DCBLD2: variants seen among roughly 807,000 people sequenced by gnomAD.
The protein encoded by DCBLD2 is discoidin, CUB and LCCL domain-containing protein 2.
DCBLD2 carries 54 observed loss-of-function variants against 86.8 expected under a neutral mutation model. That is an observed-to-expected ratio of 0.62 (90% confidence interval 0.50 to 0.78). DCBLD2 has a LOEUF of 0.78. Among genes scored for constraint, DCBLD2 ranks in the 30% least tolerant of loss-of-function variants. The probability of loss-of-function intolerance (pLI) is 0.00; values close to 1 mark genes in which losing one functional copy is unlikely to be tolerated. For synonymous variants in DCBLD2, 354 were observed against 341.3 expected (o/e 1.04, Z -0.41); for missense variants, 908 against 954.2 (o/e 0.95, Z 0.64).
rs753570228 is a variant in DCBLD2, at chr3:98,799,723, C to A, written c.1977G>T (p.Gly659=). The change falls in exon 16 of 16, where the codon GGG becomes GGT. Residue 659 remains glycine, a synonymous_variant. Coordinates refer to ENST00000326840, the MANE Select transcript of DCBLD2 (RefSeq NM_080927.4). ...CAGCATAGGCATGATAAACTTCCTG[C>A]CCTGGTGAGTTGTAAGGATCTAGGT... The part of the protein sequence containing the change: ...YADLDPYNSP[G]QEVYHAYAEP... 6.2e-7 allele frequency: 1 copy of A among 1,613,964 alleles called. No individual in the cohort carries two copies. Among genetic ancestry groups the A allele is most frequent in the Non-Finnish European group, 8.5e-7 (1 of 1,179,868 alleles).
intron 1 of DCBLD2, among the ~76,000 whole-genome samples, chr3:98,882,736 G>C (rs1350845333): frequency 6.6e-6 from 1 of 152,128 alleles, no homozygotes; most frequent in Non-Finnish European, 1.5e-5. Context: ...CCATGTCCCT[G>C]CAAAGGACAT....
intron 7 of DCBLD2, 75 bp from the exon 8 acceptor site, chr3:98,819,492 T>C: frequency 1.4e-6 from 2 of 1,467,196 alleles, no homozygotes; most frequent in South Asian, 2.4e-5. Flanking sequence ...CACTGAAAAC[T>C]TTCTATTCCA....
chr3:98,825,770 T>C (rs1175053145), intron 3 of DCBLD2, among the ~76,000 whole-genome samples: 1 of 150,920 alleles, frequency 6.6e-6, no homozygotes, highest in African/African-American at 2.4e-5. Flanking sequence ...TTCTTGGTTA[T>C]TATATAACTA....
chr3:98,805,253 T>A (rs531799326), intron 13 of DCBLD2, among the ~76,000 whole-genome samples: 1 of 152,122 alleles, frequency 6.6e-6, no homozygotes, highest in Non-Finnish European at 1.5e-5. Flanking sequence ...GTGGAAAAGA[T>A]AATGAGTGTT....
intron 14 of DCBLD2, 138 bp from the exon 15 acceptor site, chr3:98,800,854 T>TG: frequency 5.0e-6 from 1 of 198,484 alleles, no homozygotes; most frequent in Non-Finnish European, 6.7e-6. Context: ...ATAATCCAAC[T>TG]TTTTTTTTTT....
chr3:98,838,241 C>A (rs1164234895), intron 3 of DCBLD2, among the ~76,000 whole-genome samples: 3 of 111,952 alleles, frequency 2.7e-5, no homozygotes, highest in Non-Finnish European at 5.9e-5. Context: ...AGGCTCCTCA[C>A]TTCTCAGACG....
chr3:98,871,370 G>C (rs1029410537), intron 2 of DCBLD2, among the ~76,000 whole-genome samples: 2 of 152,058 alleles, frequency 1.3e-5, no homozygotes, highest in East Asian at 3.9e-4. Context: ...CCAGTTCTTA[G>C]GAAGAATGCT....
chr3:98,828,743 C>T (rs1942269309), intron 3 of DCBLD2, among the ~76,000 whole-genome samples: 1 of 152,158 alleles, frequency 6.6e-6, no homozygotes, highest in Admixed American at 6.5e-5. Context: ...TCCCCACCAA[C>T]ATTTGTACAC....
chr3:98,833,004 T>C (rs1409290274), intron 3 of DCBLD2, among the ~76,000 whole-genome samples: 3 of 152,260 alleles, frequency 2.0e-5, no homozygotes, highest in Non-Finnish European at 4.4e-5. Flanking sequence ...TTTTCATAGA[T>C]GATATCCTGA....
chr3:98,802,730 G>A (rs1291427822), intron 13 of DCBLD2, among the ~76,000 whole-genome samples: 1 of 152,138 alleles, frequency 6.6e-6, no homozygotes, highest in Admixed American at 6.5e-5. Context: ...TTTGTATAAG[G>A]TGTAAGGAAG....
At chr3:98,889,986 C>A (rs1289572649) in intron 1 of DCBLD2, among the ~76,000 whole-genome samples, 1 of 151,966 alleles carries the variant, frequency 6.6e-6, no homozygotes, top group East Asian at 1.9e-4. Flanking sequence ...ACCTTTTTCT[C>A]ACTTTTTCCT....
chr3:98,835,697 G>A (rs1317155801), intron 3 of DCBLD2, among the ~76,000 whole-genome samples: 5 of 147,592 alleles, frequency 3.4e-5, no homozygotes, highest in African/African-American at 9.9e-5. Flanking sequence ...CTACAGGCAC[G>A]TGCCACCATG....
chr3:98,830,875 C>G (rs1576168058), intron 3 of DCBLD2, among the ~76,000 whole-genome samples: 1 of 152,088 alleles, frequency 6.6e-6, no homozygotes, highest in East Asian at 1.9e-4. Flanking sequence ...ATGAGCATGG[C>G]ATGTTTTTCC....
At chr3:98,836,611 C>T (rs1942456230) in intron 3 of DCBLD2, among the ~76,000 whole-genome samples, 2 of 144,934 alleles carry the variant, frequency 1.4e-5, no homozygotes, top group Non-Finnish European at 3.1e-5. Context: ...CTGTTGGGCA[C>T]ACCTCCCAGA....
intron 13 of DCBLD2, among the ~76,000 whole-genome samples, chr3:98,807,599 G>T (rs1348298043): frequency 6.6e-6 from 1 of 152,140 alleles, no homozygotes; most frequent in Non-Finnish European, 1.5e-5. Flanking sequence ...TTTTCTTACA[G>T]CATCCCAAAC....
chr3:98,887,291 G>T (rs1398671839), intron 1 of DCBLD2, among the ~76,000 whole-genome samples: 1 of 151,866 alleles, frequency 6.6e-6, no homozygotes, highest in South Asian at 2.1e-4. Context: ...AGAAAGCATG[G>T]AGCTTTTACG....
intron 2 of DCBLD2, among the ~76,000 whole-genome samples, chr3:98,869,137 A>C (rs1018821808): frequency 2.0e-5 from 3 of 152,120 alleles, no homozygotes; most frequent in Non-Finnish European, 4.4e-5. Context: ...TGACTTCTTA[A>C]TGGCCATTCT....
intron 2 of DCBLD2, among the ~76,000 whole-genome samples, chr3:98,852,593 C>T (rs1163136343): frequency 6.6e-6 from 1 of 152,144 alleles, no homozygotes; most frequent in Non-Finnish European, 1.5e-5. Context: ...TCATTTTTAA[C>T]TTCTTTTATG....
chr3:98,873,451 A>G (rs1262080271), intron 2 of DCBLD2, among the ~76,000 whole-genome samples: 1 of 152,144 alleles, frequency 6.6e-6, no homozygotes, highest in African/African-American at 2.4e-5. Flanking sequence ...CTCTCTGACT[A>G]TAATGCAATA....
Sources: gnomAD v4.1 joint callset for allele counts (sites outside exome capture counted in the v4.1 genomes callset) on GRCh38, gnomAD v4.1.1 for gene constraint, MANE v1.5 for transcripts, NCBI Gene and HGNC (gene_info 2026-07-23, HGNC 2026-07-21) for gene names.